WWOX: variants seen among roughly 807,000 people sequenced by gnomAD.
WWOX encodes WW domain-containing oxidoreductase.
A neutral mutation model predicts 46.2 loss-of-function variants in WWOX; 69 were observed. The ratio of observed to expected loss-of-function variants is 1.49; its 90% CI spans 1.23 to 1.82. The LOEUF is 1.82. Ranked by LOEUF, WWOX falls within the 40% of genes most tolerant of loss-of-function variation. The pLI, the probability that WWOX is intolerant of heterozygous loss-of-function variation, is 0.00. For missense variants in WWOX, 919 were observed against 542.6 expected, an observed-to-expected ratio of 1.69 and a Z score of -6.89; for synonymous variants, 359 against 202.6, an observed-to-expected ratio of 1.77 and a Z score of -6.56.
At chr16:78,977,578 C>A (rs1007772999) in intron 8 of WWOX, among the ~76,000 whole-genome samples, 1 of 150,198 alleles carries the variant, frequency 6.7e-6, no homozygotes, top group Non-Finnish European at 1.5e-5. Context: ...CTTTGAGGGG[C>A]TATAAAATTT....
At chr16:78,917,956 C>A (rs540096618) in intron 8 of WWOX, among the ~76,000 whole-genome samples, 2 of 152,172 alleles carry the variant, frequency 1.3e-5, no homozygotes, top group East Asian at 3.9e-4. Flanking sequence ...AATCTTAGCA[C>A]TTTGGGAAGT....
At chr16:78,938,465 C>G (rs1483387751) in intron 8 of WWOX, among the ~76,000 whole-genome samples, 1 of 151,612 alleles carries the variant, frequency 6.6e-6, no homozygotes, top group Non-Finnish European at 1.5e-5. Flanking sequence ...GGCAAGGGCT[C>G]TGTTTCATGA....
chr16:79,076,420 A>G (rs1344695978), intron 8 of WWOX, among the ~76,000 whole-genome samples: 3 of 152,188 alleles, frequency 2.0e-5, no homozygotes, highest in East Asian at 1.9e-4. Flanking sequence ...TTCTGAAGCT[A>G]TTGTGAATCT....
chr16:78,202,803 G>T (rs927589260), intron 5 of WWOX, among the ~76,000 whole-genome samples: 1 of 135,304 alleles, frequency 7.4e-6, no homozygotes, highest in African/African-American at 2.8e-5. Flanking sequence ...TTTTTTCATT[G>T]CCTGGTGGGT....
rs867042961 is a variant in WWOX, at chr16:78,346,216, G to C, written c.517-40644G>C. Among the ~76,000 whole-genome samples the C allele has an allele frequency of 5.8e-5, 7 of 121,712 alleles. 2 individuals are homozygous for C. The highest frequency in any genetic ancestry group is 9.8e-5 in the Non-Finnish European group (5 of 50,878). 79.8% of individuals were successfully genotyped at this position (121,712 alleles called of 152,430 possible). ...TGCCTGTATCAGTGGCTTACTCATT[G>C]TCATTGGTGAGTAGTACTCCATTGT... On this transcript the variant is annotated intron_variant, in intron 5 of 8. Transcript: ENST00000566780.
chr16:79,038,594 G>T (rs553084061), intron 8 of WWOX, among the ~76,000 whole-genome samples: 2 of 152,100 alleles, frequency 1.3e-5, no homozygotes, highest in African/African-American at 4.8e-5. Context: ...TTGTCACACA[G>T]GCTGGAGTGC....
At chr16:79,091,845 A>T (rs539692841) in intron 8 of WWOX, among the ~76,000 whole-genome samples, 1 of 118,944 alleles carries the variant, frequency 8.4e-6, no homozygotes, top group Non-Finnish European at 1.6e-5. Context: ...CAGTGGTATT[A>T]TCTGGGCTCA....
chr16:78,529,293 C>T (rs1022214730), intron 8 of WWOX, among the ~76,000 whole-genome samples: 2 of 152,066 alleles, frequency 1.3e-5, no homozygotes, highest in Non-Finnish European at 2.9e-5. Context: ...TAAAAACAGT[C>T]CTGTTGAGTG....
chr16:78,683,175 G>T (rs868145702), intron 8 of WWOX, among the ~76,000 whole-genome samples: 25 of 152,006 alleles, frequency 1.6e-4, no homozygotes, highest in Middle Eastern at 3.4e-3. Flanking sequence ...AGTGTTACTT[G>T]GTCTTTAAAA....
intron 8 of WWOX, among the ~76,000 whole-genome samples, chr16:79,137,066 A>G (rs1418987645): frequency 1.3e-5 from 2 of 152,184 alleles, no homozygotes; most frequent in East Asian, 3.9e-4. Flanking sequence ...GTAGCCCTCC[A>G]TCTGCCAGCT....
rs1019006450 is a variant in WWOX, at chr16:78,100,168, C to T, written c.107+283C>T. 1.1e-5 allele frequency: 14 copies of T among 1,280,366 alleles called. No homozygotes were observed. The African/African-American group carries it at 2.1e-4, about 19-fold the overall frequency. 79.3% of individuals were successfully genotyped at this position (1,280,366 alleles called of 1,614,324 possible). A position where few individuals can be genotyped will look rare whatever the true frequency, so the allele number is the denominator to read the frequency against. ...GGCGAGGGCAAAGCGGCCTCATCCC[C>T]GCCAAAAAATAAAGATGTTTTAAAA... On this transcript the variant is annotated intron_variant, in intron 1 of 8. Coordinates refer to ENST00000566780, the MANE Select transcript of WWOX (RefSeq NM_016373.4).
chr16:79,048,065 G>A (rs1374239475), intron 8 of WWOX, among the ~76,000 whole-genome samples: 1 of 152,124 alleles, frequency 6.6e-6, no homozygotes, highest in South Asian at 2.1e-4. Flanking sequence ...AGGGACTCAC[G>A]TCTTCTAGGA....
chr16:78,775,184 C>G (rs894162762), intron 8 of WWOX, among the ~76,000 whole-genome samples: 2 of 152,162 alleles, frequency 1.3e-5, no homozygotes, highest in South Asian at 4.1e-4. Context: ...TGGCTCCTCT[C>G]CTCTCTTCTG....
intron 8 of WWOX, among the ~76,000 whole-genome samples, chr16:78,933,136 T>G (rs1160457932): frequency 1.3e-5 from 2 of 152,190 alleles, no homozygotes; most frequent in Non-Finnish European, 2.9e-5. Context: ...CTTTGAACAC[T>G]TTTTTAAAAG....
intron 5 of WWOX, among the ~76,000 whole-genome samples, chr16:78,325,795 G>A (rs1202990420): frequency 2.0e-5 from 3 of 152,236 alleles, no homozygotes; most frequent in Non-Finnish European, 4.4e-5. Flanking sequence ...TGGAATGGAA[G>A]GCATAGGAGT....
chr16:78,879,258 A>C (rs1300337806), intron 8 of WWOX, among the ~76,000 whole-genome samples: 1 of 152,176 alleles, frequency 6.6e-6, no homozygotes, highest in Non-Finnish European at 1.5e-5. Flanking sequence ...TTTTGTGACA[A>C]TGTAAGAGCA....
At chr16:79,063,714 T>G (rs1303252744) in intron 8 of WWOX, among the ~76,000 whole-genome samples, 1 of 152,030 alleles carries the variant, frequency 6.6e-6, no homozygotes, top group Non-Finnish European at 1.5e-5. Flanking sequence ...CTGTGAAAAA[T>G]CCACAGGTCT....
chr16:78,750,790 A>G (rs1193498224), intron 8 of WWOX, among the ~76,000 whole-genome samples: 2 of 152,128 alleles, frequency 1.3e-5, no homozygotes, highest in African/African-American at 4.8e-5. Flanking sequence ...TAATGGCTTC[A>G]AGCTGTATCC....
At chr16:78,846,958 G>A (rs540962469) in intron 8 of WWOX, among the ~76,000 whole-genome samples, 1 of 152,244 alleles carries the variant, frequency 6.6e-6, no homozygotes, top group Non-Finnish European at 1.5e-5. Context: ...TAATACGACA[G>A]TATTGTGATA....
Sources: allele counts gnomAD v4.1 joint callset (sites outside exome capture counted in the v4.1 genomes callset), GRCh38; gene constraint gnomAD v4.1.1; transcripts MANE v1.5; gene names NCBI Gene and HGNC (gene_info 2026-07-23, HGNC 2026-07-21).